Variants in PKHD1 observed in about 807,000 individuals in gnomAD.
The protein encoded by PKHD1 is PKHD1 ciliary IPT domain containing fibrocystin/polyductin.
PKHD1 carries 291 observed loss-of-function variants against 412.0 expected under a neutral mutation model. That is an observed-to-expected ratio of 0.71 (90% CI 0.64 to 0.78). PKHD1 has a LOEUF of 0.78. PKHD1 is among the 30% of genes least tolerant of loss of function. PKHD1 has a pLI of 0.00. For missense variants in PKHD1, 4,825 were observed against 4,950.7 expected (o/e 0.97, Z 0.76); for synonymous variants, 1,777 against 1,821.5 (o/e 0.98, Z 0.62).
At chr6:51,696,158 G>A (rs1250606808) in intron 60 of PKHD1, among the ~76,000 whole-genome samples, 1 of 152,192 alleles carries the variant, frequency 6.6e-6, no homozygotes, top group African/African-American at 2.4e-5. Context: ...AAAGCACCAA[G>A]TTTCAAGCAG....
At chr6:51,759,424 G>A (rs1423582583) in intron 55 of PKHD1, among the ~76,000 whole-genome samples, 1 of 152,062 alleles carries the variant, frequency 6.6e-6, no homozygotes, top group Non-Finnish European at 1.5e-5. Flanking sequence ...CTTTCCCCTG[G>A]AATTTTGAAT....
chr6:51,831,681 C>T (rs934439652), intron 51 of PKHD1, among the ~76,000 whole-genome samples: 7 of 152,114 alleles, frequency 4.6e-5, no homozygotes, highest in African/African-American at 1.7e-4. Context: ...CACAGCTCTC[C>T]CTACACATTA....
intron 29 of PKHD1, among the ~76,000 whole-genome samples, chr6:52,028,657 A>G (rs914003214): frequency 1.3e-5 from 2 of 151,944 alleles, no homozygotes; most frequent in Non-Finnish European, 2.9e-5. Context: ...GATTACAGGC[A>G]TGTGCCACCA....
At chr6:51,815,128 C>A (rs754950493) in intron 52 of PKHD1, among the ~76,000 whole-genome samples, 1 of 152,112 alleles carries the variant, frequency 6.6e-6, no homozygotes, top group Non-Finnish European at 1.5e-5. Flanking sequence ...TTCCAAAAGT[C>A]CTGGAAATAC....
At chr6:52,017,934 A>C (rs533327831) in intron 33 of PKHD1, among the ~76,000 whole-genome samples, 1 of 152,312 alleles carries the variant, frequency 6.6e-6, no homozygotes, top group Admixed American at 6.5e-5. Context: ...TTTCCTCCTC[A>C]TTCTCAGAAA....
intron 36 of PKHD1, among the ~76,000 whole-genome samples, chr6:51,947,960 T>C (rs149578905): frequency 2.0e-3 from 307 of 152,250 alleles, no homozygotes; most frequent in African/African-American, 7.1e-3. Flanking sequence ...AATGGTAACT[T>C]CATCCTTGCA....
At chr6:52,083,082 C>T (rs1185588972) in intron 3 of PKHD1, 96 bp downstream of exon 3, 4 of 875,338 alleles carry the variant, frequency 4.6e-6, no homozygotes, top group Non-Finnish European at 7.8e-6. Context: ...CACTTTTACA[C>T]CTGTCCTTAG....
intron 15 of PKHD1, among the ~76,000 whole-genome samples, chr6:52,059,046 A>G (rs1301380337): frequency 2.0e-5 from 3 of 152,282 alleles, no homozygotes; most frequent in Middle Eastern, 3.4e-3. Flanking sequence ...TGTCAATAGC[A>G]TAAGTGCATT....
At chr6:51,676,308 A>T (rs922403774) in intron 60 of PKHD1, among the ~76,000 whole-genome samples, 2 of 151,896 alleles carry the variant, frequency 1.3e-5, no homozygotes, top group African/African-American at 4.8e-5. Flanking sequence ...GAAAGAAAAA[A>T]ATTTAAATAA....
intron 61 of PKHD1, among the ~76,000 whole-genome samples, chr6:51,658,638 T>G (rs560185309): frequency 6.6e-6 from 1 of 152,184 alleles, no homozygotes; most frequent in East Asian, 1.9e-4. Flanking sequence ...ATTAAATAAA[T>G]AAATAAACAA....
At chr6:52,020,819 C>T (rs1462429435) in intron 33 of PKHD1, among the ~76,000 whole-genome samples, 3 of 152,126 alleles carry the variant, frequency 2.0e-5, no homozygotes, top group Non-Finnish European at 4.4e-5. Flanking sequence ...GTACTCAATC[C>T]TGTCTGAAAA....
chr6:51,649,471 A>G (rs1378926803), intron 61 of PKHD1, among the ~76,000 whole-genome samples: 1 of 152,176 alleles, frequency 6.6e-6, no homozygotes, highest in Non-Finnish European at 1.5e-5. Flanking sequence ...ATATATTTTT[A>G]TCATCATTTA....
intron 21 of PKHD1, among the ~76,000 whole-genome samples, 170 bp from the exon 22 acceptor site, chr6:52,050,465 G>T (rs1028036560): frequency 1.3e-5 from 2 of 152,234 alleles, no homozygotes; most frequent in African/African-American, 4.8e-5. Flanking sequence ...AGGAGGATAA[G>T]CCATTCAGTT....
At position 51,909,074 on chromosome 6, in the gene PKHD1, G is replaced by A. The variant is rs533606846; in HGVS notation, c.6682+209C>T. ...CCTACCTTAGACCAGAATTTGTTGGGGTAAGGTCTATAACTCTGAATTTTA... is the reference window on the plus strand; with the variant it reads ...CCTACCTTAGACCAGAATTTGTTGGAGTAAGGTCTATAACTCTGAATTTTA... On this transcript the variant is annotated intron_variant, in intron 40 of 66. Transcript: ENST00000371117. Among the ~76,000 whole-genome samples the A allele has an allele frequency of 2.0e-5, 3 of 152,136 alleles. 1 individual carries two copies. Among genetic ancestry groups the A allele is most frequent in the South Asian group, 4.1e-4 (2 of 4,822 alleles).
chr6:52,084,938 T>C lies in PKHD1; in HGVS notation c.-5A>G. ...AGAGATCAGCCAGGCAGTCATTCTGTCCACTTAAATCAATACTCTTAAGAT... is the reference window on the plus strand; with the variant it reads ...AGAGATCAGCCAGGCAGTCATTCTGCCCACTTAAATCAATACTCTTAAGAT... On this transcript the variant is annotated 5_prime_UTR_variant, in exon 2 of 67. Coordinates refer to ENST00000371117, the MANE Select transcript of PKHD1 (RefSeq NM_138694.4). The C allele has an allele frequency of 6.3e-7, 1 of 1,587,966 alleles. No individual in the cohort carries two copies. The highest frequency in any genetic ancestry group is 8.6e-7 in the Non-Finnish European group (1 of 1,156,304).
intron 35 of PKHD1, among the ~76,000 whole-genome samples, chr6:51,985,941 TA>T (rs1041814798): frequency 6.6e-6 from 1 of 152,212 alleles, no homozygotes; most frequent in East Asian, 1.9e-4. Context: ...ATAATTTATG[TA>T]ACCATTTGTG....
chr6:51,685,864 T>C (rs1038059550), intron 60 of PKHD1, among the ~76,000 whole-genome samples: 3 of 152,156 alleles, frequency 2.0e-5, no homozygotes, highest in Non-Finnish European at 2.9e-5. Context: ...GTGGAAGATA[T>C]GGTGGAGCCT....
intron 35 of PKHD1, among the ~76,000 whole-genome samples, chr6:51,994,403 G>A (rs146672020): frequency 1.3e-5 from 2 of 152,300 alleles, no homozygotes; most frequent in South Asian, 2.1e-4. Flanking sequence ...CCAGAGTCCT[G>A]GGGTTACAGG....
rs746342186 is a variant in PKHD1, at chr6:51,659,632, T to C, written c.10494A>G (p.Val3498=). 9 of 1,613,328 alleles carry C rather than the reference T, an allele frequency of 5.6e-6. No individual in the cohort carries two copies. Among genetic ancestry groups the C allele is most frequent in the Non-Finnish European group, 6.8e-6 (8 of 1,179,558 alleles). Residue 3498 remains valine, a synonymous_variant, in exon 61 of 67, where the codon GTA becomes GTG. Coordinates refer to ENST00000371117, the MANE Select transcript of PKHD1 (RefSeq NM_138694.4). ...NKSTSKLLLA[V]FYHELQSPHV... ...GGGGGCTCTGGAGCTCATGGTAGAA[T>C]ACAGCCAAGAGAAGCTTGGAGGTAC...
Sources: allele counts gnomAD v4.1 joint callset (sites outside exome capture counted in the v4.1 genomes callset), GRCh38; gene constraint gnomAD v4.1.1; transcripts MANE v1.5; gene names NCBI Gene and HGNC (gene_info 2026-07-23, HGNC 2026-07-21).